Variants in YPEL5 observed in about 807,000 individuals in gnomAD.
The protein encoded by YPEL5 is protein yippee-like 5.
YPEL5 carries 1 observed loss-of-function variant against 10.5 expected under a neutral mutation model. The observed-to-expected ratio is 0.10, with a 90% CI of 0.03 to 0.45. The LOEUF (loss-of-function observed/expected upper bound fraction) is 0.45. YPEL5 is among the 20% of genes least tolerant of loss of function. YPEL5 has a pLI of 0.97. For missense variants in YPEL5, 68 were observed against 159.3 expected (o/e 0.43, Z 3.09); for synonymous variants, 61 against 56.6 (o/e 1.08, Z -0.35).
chr2:30,148,396 A>C (rs1428979993), intron 1 of YPEL5: 1 of 152,202 alleles, frequency 6.6e-6, no homozygotes, highest in Non-Finnish European at 1.5e-5. Flanking sequence ...AACTTTGCAT[A>C]GCCACATATA....
rs1044176751 is a variant in YPEL5 at position 30,159,130 on chromosome 2, T to C, written c.*287T>C. The C allele has an allele frequency of 1.9e-5, 6 of 321,550 alleles. No individual in the cohort carries two copies. The highest frequency in any genetic ancestry group is 4.6e-5 in the Admixed American group (1 of 21,886). 19.9% of individuals were successfully genotyped at this position (321,550 alleles called of 1,614,324 possible). A position where few individuals can be genotyped will look rare whatever the true frequency, so the allele number is the denominator to read the frequency against. On this transcript the variant is annotated 3_prime_UTR_variant, in exon 3 of 3. Coordinates refer to ENST00000261353, the MANE Select transcript of YPEL5 (RefSeq NM_016061.3). ...CTGTCTGCAGCTATGTGGTGAGCTA[T>C]GTAAGGAAAAAAATCTGGGCTGTTA...
At position 30,158,598 on chromosome 2, in the gene YPEL5, AT is replaced by A. The variant is rs1363941361; in HGVS notation, c.142-17del. ...ATAACTAACATGCCTTGCAATTTTG[AT>A]TTTCCTTGTCCCTTGTTAGGTAGTT... On this transcript the variant is annotated intron_variant, in intron 2 of 2. Coordinates refer to ENST00000261353, the MANE Select transcript of YPEL5 (RefSeq NM_016061.3). 4.3e-6 allele frequency: 7 copies of A among 1,609,426 alleles called. No homozygotes were observed. The highest frequency in any genetic ancestry group is 1.3e-5 in the African/African-American group (1 of 74,950).
At chr2:30,156,843 C>T (rs759016668) in intron 2 of YPEL5, 51 bp downstream of exon 2, 3 of 1,597,452 alleles carry the variant, frequency 1.9e-6, no homozygotes, top group Non-Finnish European at 2.6e-6. Flanking sequence ...CTGTATTTGA[C>T]AGCAACACCA....
chr2:30,153,912 G>A (rs1362707437), intron 1 of YPEL5, among the ~76,000 whole-genome samples: 1 of 152,202 alleles, frequency 6.6e-6, no homozygotes, highest in Admixed American at 6.5e-5. Context: ...CATGTTAAAT[G>A]TATTTACCCT....
chr2:30,154,702 A>G (rs1259135451), intron 1 of YPEL5, among the ~76,000 whole-genome samples: 3 of 152,178 alleles, frequency 2.0e-5, no homozygotes, highest in African/African-American at 7.2e-5. Context: ...TAGGCCTCGA[A>G]TTTGCAACTT....
Position 30,157,902 on chromosome 2 carries a change from G to A in YPEL5, c.142-717G>A, listed in dbSNP as rs145363062. Among the ~76,000 whole-genome samples, 320 of 152,330 alleles carry A rather than the reference G, an allele frequency of 2.1e-3. 1 individual carries two copies. The highest frequency in any genetic ancestry group is 7.3e-3 in the African/African-American group (305 of 41,566). On this transcript the variant is annotated intron_variant, in intron 2 of 2. Transcript: ENST00000261353. ...GAACACAGCTCTGCTTGTGCATTAC[G>A]TATTGTCTACAGCTTCTTTCATGCT...
chr2:30,156,943 A>C (rs984168557), intron 2 of YPEL5, 151 bp downstream of exon 2: 3 of 960,612 alleles, frequency 3.1e-6, no homozygotes, highest in Non-Finnish European at 4.6e-6. Flanking sequence ...CTCGTCTTTG[A>C]TGGGACCTTA....
chr2:30,152,169 TTTC>T (rs1168382403), intron 1 of YPEL5, among the ~76,000 whole-genome samples: 1 of 152,224 alleles, frequency 6.6e-6, no homozygotes, highest in Non-Finnish European at 1.5e-5. Context: ...CGGTTTTTTT[TTTC>T]TTTTTAAAAA....
At chr2:30,147,169 A>C (rs1173796628) in intron 1 of YPEL5, 107 bp downstream of exon 1, 1 of 152,208 alleles carries the variant, frequency 6.6e-6, no homozygotes, top group African/African-American at 2.4e-5. Flanking sequence ...TGGGGGGCCC[A>C]GGCAGGAAGT....
At position 30,150,428 on chromosome 2, in the gene YPEL5, C is replaced by A. The variant is rs535325532; in HGVS notation, c.-25+3366C>A. On this transcript the variant is annotated intron_variant, in intron 1 of 2. Coordinates refer to ENST00000261353, the MANE Select transcript of YPEL5 (RefSeq NM_016061.3). ...GAGAGGATAACTCACCCAGTGTTTCCAAAGCTATTAAGGGGGAAGAGCTGA... is the reference window on the plus strand; with the variant it reads ...GAGAGGATAACTCACCCAGTGTTTCAAAAGCTATTAAGGGGGAAGAGCTGA... Among the ~76,000 whole-genome samples the A allele has an allele frequency of 1.6e-4, 25 of 152,234 alleles. 1 individual carries two copies. In the South Asian group the frequency reaches 4.8e-3, roughly 29 times the overall value.
chr2:30,155,774 A>G (rs1432640127), intron 1 of YPEL5: 2 of 152,252 alleles, frequency 1.3e-5, no homozygotes, highest in African/African-American at 2.4e-5. Context: ...TTATTGAATC[A>G]GTAAGATTTC....
rs1236179567 is a variant in YPEL5, at chr2:30,156,623, C to A, written c.-24-5C>A. 6.8e-6 allele frequency: 11 copies of A among 1,612,680 alleles called. No individual in the cohort carries two copies. The highest frequency in any genetic ancestry group is 8.5e-6 in the Non-Finnish European group (10 of 1,179,410). On this transcript the variant is annotated splice_region_variant and splice_polypyrimidine_tract_variant and intron_variant, in intron 1 of 2. Transcript: ENST00000261353. ...CATTTGTTATCCTTTTCTATTTGCT[C>A]CTAGGTTTTTAGAACTTCAGCCATA...
At chr2:30,148,572 A>C (rs1275822214) in intron 1 of YPEL5, 1 of 152,248 alleles carries the variant, frequency 6.6e-6, no homozygotes, top group Non-Finnish European at 1.5e-5. Context: ...AATTTAGAAT[A>C]GTTTCTCTAG....
In YPEL5 at chr2:30,159,947, TCTC is replaced by T. The variant is rs1676210604; in HGVS notation, c.*1105_*1107del. On this transcript the variant is annotated 3_prime_UTR_variant, in exon 3 of 3. Coordinates refer to ENST00000261353, the MANE Select transcript of YPEL5 (RefSeq NM_016061.3). ...CTTATTTAGCATTTTTTTCAGCTCT[TCTC>T]TCAGAAGTTCAGCTGTTGAAACGAA... The T allele has an allele frequency of 1.3e-5, 2 of 152,630 alleles. No individual in the cohort carries two copies. The highest frequency in any genetic ancestry group is 6.5e-5 in the Admixed American group (1 of 15,288). The allele number at this position is 152,630 out of a possible 1,614,324, so 9.5% of individuals were successfully genotyped here.
intron 1 of YPEL5, among the ~76,000 whole-genome samples, chr2:30,149,852 G>A (rs1205540235): frequency 1.3e-5 from 2 of 152,328 alleles, no homozygotes; most frequent in East Asian, 3.9e-4. Flanking sequence ...CTGGTGAAGT[G>A]TGTATTCTAT....
intron 1 of YPEL5, among the ~76,000 whole-genome samples, chr2:30,155,228 G>A (rs950718412): frequency 3.3e-5 from 5 of 152,194 alleles, no homozygotes; most frequent in African/African-American, 1.2e-4. Context: ...CCTTTTACTA[G>A]CTGCACATTG....
At position 30,151,083 on chromosome 2, in the gene YPEL5, G is replaced by GA. The variant is rs1341376967; in HGVS notation, c.-25+4025dup. Among the ~76,000 whole-genome samples the GA allele has an allele frequency of 4.1e-3, 626 of 152,278 alleles. 4 individuals are homozygous for GA. Among genetic ancestry groups the GA allele is most frequent in the African/African-American group, 0.015 (609 of 41,556 alleles). ...ACCCACAGCCTTCCCAGCTTTTAAG[G>GA]AAAACAGTCAGCAATGAGCCAGACA... On this transcript the variant is annotated intron_variant, in intron 1 of 2. Coordinates refer to ENST00000261353, the MANE Select transcript of YPEL5 (RefSeq NM_016061.3).
chr2:30,160,146 TA>T lies in YPEL5; in HGVS notation c.*1305del, dbSNP rs1378249576. 2 of 152,674 alleles carry T rather than the reference TA, an allele frequency of 1.3e-5. No individual in the cohort carries two copies. The highest frequency in any genetic ancestry group is 6.5e-5 in the Admixed American group (1 of 15,286). The allele number at this position is 152,674 out of a possible 1,614,324, so 9.5% of individuals were successfully genotyped here. On this transcript the variant is annotated 3_prime_UTR_variant, in exon 3 of 3. Coordinates refer to ENST00000261353, the MANE Select transcript of YPEL5 (RefSeq NM_016061.3). The stretch of plus-strand genomic sequence containing the variant: ...GGAATTAAATGACGGTAAAATTGGC[TA>T]ATTATTTGAATGAATGAATGGATGG...
chr2:30,149,285 A>G (rs911630590), intron 1 of YPEL5, among the ~76,000 whole-genome samples: 3 of 152,238 alleles, frequency 2.0e-5, no homozygotes, highest in Non-Finnish European at 4.4e-5. Flanking sequence ...GAGGGGGGAG[A>G]ACAAAAATAT....
Sources: gnomAD v4.1 joint callset for allele counts (sites outside exome capture counted in the v4.1 genomes callset) on GRCh38, gnomAD v4.1.1 for gene constraint, MANE v1.5 for transcripts, NCBI Gene and HGNC (gene_info 2026-07-23, HGNC 2026-07-21) for gene names.